Variants in SNAP91 observed in about 807,000 individuals in gnomAD.
SNAP91 encodes clathrin coat assembly protein AP180.
A neutral mutation model predicts 100.3 loss-of-function variants in SNAP91; 27 were observed. That is an observed-to-expected ratio of 0.27 (90% CI 0.20 to 0.37). The LOEUF (loss-of-function observed/expected upper bound fraction) is 0.37. Ranked by LOEUF, SNAP91 falls within the 10% of genes least tolerant of loss-of-function variation. SNAP91 has a pLI of 1.00. For synonymous variants in SNAP91, 404 were observed against 398.6 expected, an observed-to-expected ratio of 1.01 and a Z score of -0.16; for missense variants, 986 against 1,123.7, an observed-to-expected ratio of 0.88 and a Z score of 1.75.
intron 2 of SNAP91, among the ~76,000 whole-genome samples, chr6:83,690,949 T>C (rs532369286): frequency 6.6e-6 from 1 of 152,222 alleles, no homozygotes. Flanking sequence ...GAATTTCTTA[T>C]GCATTTCAAG....
At chr6:83,663,930 G>T (rs1250897108) in intron 3 of SNAP91, among the ~76,000 whole-genome samples, 1 of 152,066 alleles carries the variant, frequency 6.6e-6, no homozygotes, top group Non-Finnish European at 1.5e-5. Context: ...GACATGAAGT[G>T]AAAGTCAATG....
chr6:83,679,529 C>T (rs2098958008), intron 2 of SNAP91, among the ~76,000 whole-genome samples: 1 of 152,008 alleles, frequency 6.6e-6, no homozygotes, highest in Admixed American at 6.6e-5. Context: ...ACCCCTGAAG[C>T]CCCAGGCCCC....
At chr6:83,702,600 AT>A (rs1221542486) in intron 2 of SNAP91, among the ~76,000 whole-genome samples, 1 of 152,140 alleles carries the variant, frequency 6.6e-6, no homozygotes, top group East Asian at 1.9e-4. Flanking sequence ...AATGTTTAAT[AT>A]TTTTCCATAT....
At chr6:83,698,559 A>AG (rs1311683523) in intron 2 of SNAP91, among the ~76,000 whole-genome samples, 1 of 152,150 alleles carries the variant, frequency 6.6e-6, no homozygotes, top group African/African-American at 2.4e-5. Flanking sequence ...TAAAATTAAG[A>AG]GAAAAACAAA....
chr6:83,620,356 C>G (rs1460911521), intron 9 of SNAP91, among the ~76,000 whole-genome samples: 1 of 152,162 alleles, frequency 6.6e-6, no homozygotes, highest in Non-Finnish European at 1.5e-5. Flanking sequence ...CGCAGACAAG[C>G]CTGGTAGAAA....
intron 7 of SNAP91, among the ~76,000 whole-genome samples, chr6:83,654,415 G>C (rs1232064230): frequency 6.6e-6 from 1 of 152,136 alleles, no homozygotes; most frequent in African/African-American, 2.4e-5. Flanking sequence ...CTCCTTCCAT[G>C]TGGAACTGGA....
At chr6:83,624,238 A>G (rs2096845440) in intron 8 of SNAP91, among the ~76,000 whole-genome samples, 1 of 152,132 alleles carries the variant, frequency 6.6e-6, no homozygotes, top group African/African-American at 2.4e-5. Context: ...ATCAATGAAG[A>G]GACCATATTT....
intron 11 of SNAP91, chr6:83,611,363 A>G: frequency 2.6e-6 from 1 of 388,614 alleles, no homozygotes; most frequent in Non-Finnish European, 5.1e-6. Context: ...ATTTTAAGTT[A>G]TATTACTGGT....
At chr6:83,632,410 G>A (rs1439600005) in intron 8 of SNAP91, among the ~76,000 whole-genome samples, 1 of 152,050 alleles carries the variant, frequency 6.6e-6, no homozygotes, top group Non-Finnish European at 1.5e-5. Context: ...TGTTCTTTGT[G>A]CTTCTTGTAT....
intron 11 of SNAP91, 51 bp from the exon 12 acceptor site, chr6:83,610,728 T>C: frequency 4.8e-6 from 1 of 208,724 alleles, no homozygotes; most frequent in Non-Finnish European, 8.5e-6. Context: ...TATATATATA[T>C]ATATATATAT....
At chr6:83,571,585 C>T (rs1237103730) in intron 26 of SNAP91, among the ~76,000 whole-genome samples, 2 of 152,156 alleles carry the variant, frequency 1.3e-5, no homozygotes, top group Admixed American at 6.5e-5. Flanking sequence ...AGCCTGTACC[C>T]CCATTGTATC....
intron 15 of SNAP91, 61 bp downstream of exon 15, chr6:83,601,524 G>C: frequency 6.2e-7 from 1 of 1,610,750 alleles, no homozygotes; most frequent in Non-Finnish European, 8.5e-7. Flanking sequence ...ATCAAAATAA[G>C]GACAGTTGTT....
At chr6:83,631,400 CT>C (rs2097199448) in intron 8 of SNAP91, among the ~76,000 whole-genome samples, 2 of 152,048 alleles carry the variant, frequency 1.3e-5, no homozygotes. Context: ...TCTTTGTTGA[CT>C]TTCTGTCTTG....
chr6:83,616,177 G>A (rs1027256623), intron 10 of SNAP91, among the ~76,000 whole-genome samples: 1 of 152,108 alleles, frequency 6.6e-6, no homozygotes, highest in African/African-American at 2.4e-5. Context: ...GAGAAGGTAG[G>A]ACTAGAGATG....
chr6:83,675,994 C>T (rs1310848836), intron 2 of SNAP91, among the ~76,000 whole-genome samples: 1 of 151,720 alleles, frequency 6.6e-6, no homozygotes, highest in Non-Finnish European at 1.5e-5. Flanking sequence ...TACAAAAAGT[C>T]CTAGCTGCTG....
chr6:83,580,551 C>T lies in SNAP91; in HGVS notation c.2198G>A (p.Gly733Glu). Residue 733 changes from glycine to glutamate, a missense_variant, in exon 24 of 30, where the codon GGG becomes GAG. Around this residue, in one of 4 missense-constraint regions of SNAP91, gnomAD observed 575 missense variants for 579.9 expected, o/e 0.99. Coordinates refer to ENST00000369694, the MANE Select transcript of SNAP91 (RefSeq NM_001242792.2). ...TACCATTGAGACAGGTGCAGGCTGCCCAGCTGGTGCCATGGTTGGCATCAA... is the reference window on the plus strand; with the variant it reads ...TACCATTGAGACAGGTGCAGGCTGCTCAGCTGGTGCCATGGTTGGCATCAA... Reference protein sequence around the residue: ...DLLMPTMAPAGQPAPVSMVPP... With the variant: ...DLLMPTMAPAEQPAPVSMVPP... The T allele has an allele frequency of 6.2e-7, 1 of 1,613,336 alleles. No homozygotes were observed. Among genetic ancestry groups the T allele is most frequent in the Non-Finnish European group, 8.5e-7 (1 of 1,179,642 alleles).
At position 83,582,232 on chromosome 6, in the gene SNAP91, A is replaced by G. The variant is rs1197907508; in HGVS notation, c.2139T>C (p.Phe713=). The G allele has an allele frequency of 6.2e-7, 1 of 1,613,678 alleles. No homozygotes were observed. Reference sequence around the variant, plus strand: ...AAGTCACTGCCTCACCTGATGGATCAAAGGAGCTGCTGCTGGAAGTTGAAG... The same window carrying G: ...AAGTCACTGCCTCACCTGATGGATCGAAGGAGCTGCTGCTGGAAGTTGAAG... ...TTPSTSSSSS[F]DPSVFDGLGD... is the part of the protein sequence containing the mutation. Residue 713 remains phenylalanine, a synonymous_variant, in exon 23 of 30, where the codon TTT becomes TTC. Coordinates refer to ENST00000369694, the MANE Select transcript of SNAP91 (RefSeq NM_001242792.2).
chr6:83,649,373 GCTGT>G (rs1157148936), intron 7 of SNAP91, among the ~76,000 whole-genome samples: 1 of 152,128 alleles, frequency 6.6e-6, no homozygotes, highest in Non-Finnish European at 1.5e-5. Flanking sequence ...CTCTCTACAG[GCTGT>G]CTGAGTGTCC....
chr6:83,663,841 T>C (rs183423248), intron 3 of SNAP91, among the ~76,000 whole-genome samples: 1 of 152,242 alleles, frequency 6.6e-6, no homozygotes, highest in East Asian at 1.9e-4. Flanking sequence ...CTTTCTTATC[T>C]AGAAAGGAGA....
Sources: gnomAD v4.1 joint callset for allele counts (sites outside exome capture counted in the v4.1 genomes callset) on GRCh38, gnomAD v4.1.1 for gene constraint, gnomAD v4.1.1 regional missense constraint, MANE v1.5 for transcripts, NCBI Gene and HGNC (gene_info 2026-07-23, HGNC 2026-07-21) for gene names.